PDZD2: variants seen among roughly 807,000 people sequenced by gnomAD.
PDZD2 encodes the protein PDZ domain-containing protein 2.
In PDZD2, 90 loss-of-function variants were observed where a neutral mutation model predicts 220.7. That is an observed-to-expected ratio of 0.41 (90% CI 0.34 to 0.49). The LOEUF (loss-of-function observed/expected upper bound fraction) is 0.49, where lower values mean the gene tolerates loss of function less well. Ranked by LOEUF, PDZD2 falls within the 20% of genes least tolerant of loss-of-function variation. The pLI is 0.28. For synonymous variants in PDZD2, 1,375 were observed against 1,450.5 expected (o/e 0.95, Z 1.18); for missense variants, 3,174 against 3,608.5 (o/e 0.88, Z 3.08).
At chr5:32,100,512 G>A (rs1744156104) in intron 23 of PDZD2, 1 of 299,472 alleles carries the variant, frequency 3.3e-6, no homozygotes, top group Non-Finnish European at 6.5e-6. Flanking sequence ...AGTAGAGGCA[G>A]CGAGTGTGTT....
chr5:31,879,906 C>G (rs992384307), intron 2 of PDZD2, among the ~76,000 whole-genome samples: 15 of 142,426 alleles, frequency 1.1e-4, no homozygotes, highest in African/African-American at 4.0e-4. Flanking sequence ...CTTAGCAATA[C>G]CTGCCTTTTT....
rs34025632 is a variant in PDZD2, at chr5:32,029,329, TAAA to T, written c.1408-7880_1408-7878del. ...TTGCCAAAGGTAGTATCAAGAACTG[TAAA>T]AAAAAAAAAAAAAAAAAAAAAGCTT... On this transcript the variant is annotated intron_variant, in intron 6 of 24. Transcript: ENST00000438447. 6.0e-3 allele frequency among the ~76,000 whole-genome samples: 397 copies of T among 65,830 alleles called. 2 individuals carry two copies. The highest frequency in any genetic ancestry group is 0.013 in the Middle Eastern group (1 of 80). The allele number at this position is 65,830 out of a possible 152,430, so 43.2% of individuals were successfully genotyped here.
chr5:31,662,762 T>A (rs1263951509), intron 1 of PDZD2, among the ~76,000 whole-genome samples: 1 of 152,206 alleles, frequency 6.6e-6, no homozygotes, highest in Non-Finnish European at 1.5e-5. Flanking sequence ...CCCGGGTAGC[T>A]GGGACTACAG....
At chr5:31,841,463 A>G (rs1205343315) in intron 2 of PDZD2, among the ~76,000 whole-genome samples, 1 of 152,224 alleles carries the variant, frequency 6.6e-6, no homozygotes, top group African/African-American at 2.4e-5. Context: ...TCACGAGATC[A>G]AGAGATCGAG....
intron 17 of PDZD2, among the ~76,000 whole-genome samples, chr5:32,073,373 A>G (rs144477421): frequency 6.6e-6 from 1 of 152,312 alleles, no homozygotes; most frequent in Non-Finnish European, 1.5e-5. Context: ...CGTGCCTGTC[A>G]ATCAAGCCTC....
intron 2 of PDZD2, among the ~76,000 whole-genome samples, chr5:31,934,827 C>T (rs1001683848): frequency 4.6e-5 from 7 of 152,050 alleles, no homozygotes; most frequent in African/African-American, 1.4e-4. Flanking sequence ...TGGCTCACAC[C>T]TGTAATCCCA....
chr5:31,804,292 C>T (rs1734844307), intron 2 of PDZD2, among the ~76,000 whole-genome samples: 1 of 152,120 alleles, frequency 6.6e-6, no homozygotes, highest in African/African-American at 2.4e-5. Context: ...ACTTGGTCTT[C>T]ATGAAAGAGA....
At chr5:31,658,658 C>T (rs1196884439) in intron 1 of PDZD2, among the ~76,000 whole-genome samples, 2 of 150,544 alleles carry the variant, frequency 1.3e-5, no homozygotes, top group African/African-American at 2.5e-5. Context: ...CTCACTCTGT[C>T]GCCCAGGCTG....
At chr5:32,066,924 C>T (rs546047464) in intron 14 of PDZD2, among the ~76,000 whole-genome samples, 22 of 152,298 alleles carry the variant, frequency 1.4e-4, no homozygotes, top group South Asian at 2.1e-4. Context: ...GAGCTATGTC[C>T]GGCATTTGGT....
intron 6 of PDZD2, among the ~76,000 whole-genome samples, chr5:32,032,795 G>A (rs1755228994): frequency 6.6e-6 from 1 of 152,220 alleles, no homozygotes; most frequent in African/African-American, 2.4e-5. Context: ...CGTTCAAAGA[G>A]GTTGACTGAC....
At chr5:31,933,416 G>A (rs1294781116) in intron 2 of PDZD2, among the ~76,000 whole-genome samples, 3 of 152,108 alleles carry the variant, frequency 2.0e-5, no homozygotes, top group East Asian at 3.9e-4. Flanking sequence ...ATATCCATTC[G>A]TGTGTCTGCT....
chr5:31,851,344 C>A (rs1183194572), intron 2 of PDZD2, among the ~76,000 whole-genome samples: 2 of 152,174 alleles, frequency 1.3e-5, no homozygotes, highest in Non-Finnish European at 2.9e-5. Flanking sequence ...CACCCCAGCA[C>A]TGCATTGCCT....
chr5:31,942,206 G>T (rs192204442), intron 2 of PDZD2, among the ~76,000 whole-genome samples: 11 of 152,172 alleles, frequency 7.2e-5, no homozygotes, highest in African/African-American at 2.6e-4. Flanking sequence ...TTTTATGGCC[G>T]TATCTAACAT....
chr5:31,661,185 G>T (rs1745748245), intron 1 of PDZD2, among the ~76,000 whole-genome samples: 1 of 152,178 alleles, frequency 6.6e-6, no homozygotes, highest in Non-Finnish European at 1.5e-5. Flanking sequence ...GGCTTCGGAG[G>T]TTCTGAGCTG....
chr5:31,710,657 A>G (rs1053665215), intron 1 of PDZD2, among the ~76,000 whole-genome samples: 2 of 152,114 alleles, frequency 1.3e-5, no homozygotes, highest in African/African-American at 4.8e-5. Flanking sequence ...GTCTCTACTA[A>G]AAATACAAAA....
At chr5:32,079,771 A>AT (rs1267577771) in intron 19 of PDZD2, among the ~76,000 whole-genome samples, 1 of 152,126 alleles carries the variant, frequency 6.6e-6, no homozygotes, top group Non-Finnish European at 1.5e-5. Context: ...AGATCGAGCC[A>AT]TTGCACTCCA....
At chr5:32,002,752 CA>C (rs1254453085) in intron 5 of PDZD2, among the ~76,000 whole-genome samples, 454 of 23,970 alleles carry the variant, frequency 0.019, 39 homozygotes, top group South Asian at 0.087. Context: ...CACCAACACA[CA>C]CACCCCACAC....
At chr5:31,969,784 C>CT (rs1432543638) in intron 2 of PDZD2, among the ~76,000 whole-genome samples, 3 of 152,072 alleles carry the variant, frequency 2.0e-5, no homozygotes, top group African/African-American at 7.2e-5. Flanking sequence ...GTAAAGTCAT[C>CT]TTTTAAAGAG....
chr5:31,932,102 T>C (rs1313916653), intron 2 of PDZD2, among the ~76,000 whole-genome samples: 1 of 152,182 alleles, frequency 6.6e-6, no homozygotes, highest in Non-Finnish European at 1.5e-5. Context: ...CTGTGTGTGA[T>C]TTTTGACTGG....
Sources: allele counts gnomAD v4.1 joint callset (sites outside exome capture counted in the v4.1 genomes callset), GRCh38; gene constraint gnomAD v4.1.1; transcripts MANE v1.5; gene names NCBI Gene and HGNC (gene_info 2026-07-23, HGNC 2026-07-21).